The following SLAMF6 variants were observed in gnomAD, a reference collection of about 807,000 sequenced individuals.
SLAMF6 encodes the protein SLAM family member 6.
SLAMF6 carries 21 observed loss-of-function variants against 38.3 expected under a neutral mutation model. That is an observed-to-expected ratio of 0.55 (90% confidence interval 0.39 to 0.79). The LOEUF is 0.79. Ranked by LOEUF, SLAMF6 falls within the 30% of genes least tolerant of loss-of-function variation. SLAMF6 has a pLI of 0.00. For synonymous variants in SLAMF6, 152 were observed against 146.3 expected, an observed-to-expected ratio of 1.04 and a Z score of -0.28; for missense variants, 341 against 385.3, an observed-to-expected ratio of 0.89 and a Z score of 0.96.
intron 1 of SLAMF6, among the ~76,000 whole-genome samples, chr1:160,500,344 C>G (rs1408606182): frequency 6.6e-6 from 1 of 152,218 alleles, no homozygotes; most frequent in Non-Finnish European, 1.5e-5. Flanking sequence ...ATATTCTCCC[C>G]CTTGTTCACT....
chr1:160,496,453 G>A, intron 1 of SLAMF6, 60 bp from the exon 2 acceptor site: 4 of 1,540,984 alleles, frequency 2.6e-6, no homozygotes, highest in Non-Finnish European at 3.5e-6. Flanking sequence ...GCCAAGTCCT[G>A]CACCCTTTCA....
intron 1 of SLAMF6, among the ~76,000 whole-genome samples, chr1:160,498,366 C>T (rs1324791464): frequency 1.3e-5 from 2 of 152,056 alleles, no homozygotes; most frequent in South Asian, 2.1e-4. Context: ...TAAAGACATA[C>T]TCAAGACTAG....
rs1310861215 is a variant in SLAMF6 at position 160,491,167 on chromosome 1, T to C, written c.604A>G (p.Ser202Gly). The change falls in exon 3 of 8, where the codon AGT (serine) becomes GGT (glycine). Residue 202 changes from serine (S) to glycine (G), a missense_variant. By Grantham distance (56) the Ser-to-Gly change is moderately conservative. Coordinates refer to ENST00000368057, the MANE Select transcript of SLAMF6 (RefSeq NM_001184714.2). ...DYTCIAENAV[S>G]NLSFSVSAQK... ...GCAGAGACAGAGAAGGATAAATTACTGACAGCATTCTCTGCTATGCAGGTG... is the reference window on the plus strand; with the variant it reads ...GCAGAGACAGAGAAGGATAAATTACCGACAGCATTCTCTGCTATGCAGGTG... The C allele has an allele frequency of 6.2e-7, 1 of 1,613,932 alleles. No homozygotes were observed. Among genetic ancestry groups the C allele is most frequent in the African/African-American group, 1.3e-5 (1 of 74,918 alleles).
chr1:160,521,527 C>T (rs1467778773), intron 1 of SLAMF6, among the ~76,000 whole-genome samples: 1 of 152,150 alleles, frequency 6.6e-6, no homozygotes, highest in East Asian at 1.9e-4. Context: ...GCTCCTAGAT[C>T]AGGAAGTGGC....
intron 6 of SLAMF6, 93 bp downstream of exon 6, chr1:160,488,995 G>T (rs531330233): frequency 8.5e-7 from 1 of 1,175,912 alleles, no homozygotes; most frequent in Non-Finnish European, 1.3e-6. Flanking sequence ...TCCCCTCAGT[G>T]GTCATTTGTT....
intron 1 of SLAMF6, among the ~76,000 whole-genome samples, chr1:160,514,561 A>G (rs1172737318): frequency 1.3e-5 from 2 of 152,204 alleles, no homozygotes; most frequent in East Asian, 3.8e-4. Context: ...CATTCTATGC[A>G]TTGCCACATG....
In SLAMF6 at chr1:160,494,544, AAG is replaced by A. The variant is rs1653469725; in HGVS notation, c.382+1515_382+1516del. On this transcript the variant is annotated intron_variant, in intron 2 of 7. Coordinates refer to ENST00000368057, the MANE Select transcript of SLAMF6 (RefSeq NM_001184714.2). The stretch of plus-strand genomic sequence containing the variant: ...TCTGAATATTACCTTATTGGAAAAA[AAG>A]GGTCTTTGCAGATGGAATTATGTTA... Among the ~76,000 whole-genome samples the A allele has an allele frequency of 2.6e-5, 4 of 152,172 alleles. No homozygotes were observed. In the South Asian group the frequency reaches 8.3e-4, roughly 32 times the overall value.
At chr1:160,494,530 C>T (rs1653468693) in intron 2 of SLAMF6, among the ~76,000 whole-genome samples, 1 of 151,868 alleles carries the variant, frequency 6.6e-6, no homozygotes, top group African/African-American at 2.4e-5. Context: ...CTGAATATTA[C>T]CTTATTGGAA....
In SLAMF6 at chr1:160,496,366, G is replaced by A; in HGVS notation, c.77C>T (p.Thr26Ile). Residue 26 changes from threonine to isoleucine, a missense_variant, in exon 2 of 8, where the codon ACC (threonine) becomes ATC (isoleucine). Thr to Ile is a moderately conservative substitution (Grantham distance 89). Coordinates refer to ENST00000368057, the MANE Select transcript of SLAMF6 (RefSeq NM_001184714.2). ...PGNVVSQSSL[T>I]PLMVNGILGE... The stretch of plus-strand genomic sequence containing the variant: ...CAGAATCCCGTTCACCATCAATGGG[G>A]TTAAGCTGCTTTGTGAAACTACATT... 1 of 1,613,552 alleles carries A rather than the reference G, an allele frequency of 6.2e-7. No homozygotes were observed. Among genetic ancestry groups the A allele is most frequent in the African/African-American group, 1.3e-5 (1 of 75,010 alleles).
At chr1:160,519,140 G>T (rs926973415) in intron 1 of SLAMF6, among the ~76,000 whole-genome samples, 1 of 152,072 alleles carries the variant, frequency 6.6e-6, no homozygotes, top group Non-Finnish European at 1.5e-5. Context: ...CAACTAAAAT[G>T]GGCAAAGGAC....
intron 5 of SLAMF6, 68 bp from the exon 6 acceptor site, chr1:160,489,238 T>A: frequency 6.8e-7 from 1 of 1,477,106 alleles, no homozygotes; most frequent in Admixed American, 1.7e-5. Flanking sequence ...GACTTCTCCC[T>A]CCCCAGAGCA....
chr1:160,515,436 G>T (rs1654691154), intron 1 of SLAMF6, among the ~76,000 whole-genome samples: 2 of 152,150 alleles, frequency 1.3e-5, no homozygotes, highest in South Asian at 4.1e-4. Flanking sequence ...GTACAAAGAG[G>T]ACCTGGCACC....
chr1:160,522,418 T>G (rs995588651), intron 1 of SLAMF6, among the ~76,000 whole-genome samples: 1 of 152,222 alleles, frequency 6.6e-6, no homozygotes, highest in Non-Finnish European at 1.5e-5. Flanking sequence ...ATTGGTCTCC[T>G]GGACTATCTC....
At chr1:160,497,845 T>G (rs906594876) in intron 1 of SLAMF6, among the ~76,000 whole-genome samples, 6 of 152,172 alleles carry the variant, frequency 3.9e-5, no homozygotes, top group Admixed American at 1.3e-4. Flanking sequence ...TATTCCATGG[T>G]GTATATATAC....
chr1:160,486,691 G>C lies in SLAMF6; in HGVS notation c.*16C>G. On this transcript the variant is annotated 3_prime_UTR_variant, in exon 8 of 8. Transcript: ENST00000368057. ...AGACGTGTCATTCCCGAATTCCTCTGAGGCCTTTCAGCAACTTACACGACA... is the reference window on the plus strand; with the variant it reads ...AGACGTGTCATTCCCGAATTCCTCTCAGGCCTTTCAGCAACTTACACGACA... 1 of 1,612,840 alleles carries C rather than the reference G, an allele frequency of 6.2e-7. No individual in the cohort carries two copies. Among genetic ancestry groups the C allele is most frequent in the Non-Finnish European group, 8.5e-7 (1 of 1,178,984 alleles).
chr1:160,506,279 C>T (rs1419611781), intron 1 of SLAMF6, among the ~76,000 whole-genome samples: 3 of 152,014 alleles, frequency 2.0e-5, no homozygotes, highest in East Asian at 1.9e-4. Context: ...GAGAAAGCAA[C>T]TAGTCATGTA....
intron 1 of SLAMF6, among the ~76,000 whole-genome samples, chr1:160,522,401 G>A (rs1195921177): frequency 6.6e-6 from 1 of 152,150 alleles, no homozygotes; most frequent in Non-Finnish European, 1.5e-5. Context: ...CTCTGGACTA[G>A]ATTTCCATTG....
At chr1:160,521,033 G>A (rs955068680) in intron 1 of SLAMF6, among the ~76,000 whole-genome samples, 15 of 152,072 alleles carry the variant, frequency 9.9e-5, no homozygotes. Flanking sequence ...GCAGGTCCCC[G>A]TGTTTTTCTC....
At chr1:160,511,497 G>A (rs1287945259) in intron 1 of SLAMF6, among the ~76,000 whole-genome samples, 18 of 152,184 alleles carry the variant, frequency 1.2e-4, no homozygotes, top group Non-Finnish European at 1.9e-4. Flanking sequence ...AACAAATGGT[G>A]CTGGGACAAC....
Sources: allele counts gnomAD v4.1 joint callset (sites outside exome capture counted in the v4.1 genomes callset), GRCh38; gene constraint gnomAD v4.1.1; transcripts MANE v1.5; gene names NCBI Gene and HGNC (gene_info 2026-07-23, HGNC 2026-07-21).